Variants in TRAM2 observed in about 807,000 individuals in gnomAD.
The protein encoded by TRAM2 is translocation associated membrane protein 2, also known as translocating chain-associated membrane protein 2.
TRAM2 carries 12 observed loss-of-function variants against 51.0 expected under a neutral mutation model. The ratio of observed to expected loss-of-function variants is 0.24; its 90% confidence interval spans 0.15 to 0.38. TRAM2 has a LOEUF of 0.38. TRAM2 is among the 10% of genes least tolerant of loss of function. The probability of loss-of-function intolerance (pLI) is 1.00; values close to 1 mark genes in which losing one functional copy is unlikely to be tolerated. For missense variants in TRAM2, 361 were observed against 462.0 expected, an observed-to-expected ratio of 0.78 and a Z score of 2.00; for synonymous variants, 175 against 179.4, an observed-to-expected ratio of 0.98 and a Z score of 0.20.
chr6:52,511,305 A>G (rs539655312), intron 4 of TRAM2, among the ~76,000 whole-genome samples: 1 of 152,256 alleles, frequency 6.6e-6, no homozygotes, highest in Non-Finnish European at 1.5e-5. Context: ...GGGTTTCACT[A>G]TGTTGACCAG....
intron 2 of TRAM2, among the ~76,000 whole-genome samples, chr6:52,527,570 C>T (rs907182811): frequency 2.0e-5 from 3 of 152,042 alleles, no homozygotes; most frequent in African/African-American, 7.2e-5. Flanking sequence ...CATTTGGGGG[C>T]TCAGTGCAGC....
Position 52,501,557 on chromosome 6 carries a change from G to A in TRAM2, c.*1640C>T, listed in dbSNP as rs1766224343. 6.6e-6 allele frequency: 1 copy of A among 152,114 alleles called. No individual in the cohort carries two copies. The highest frequency in any genetic ancestry group is 2.4e-5 in the African/African-American group (1 of 41,408). 9.4% of individuals were successfully genotyped at this position (152,114 alleles called of 1,614,324 possible). The stretch of plus-strand genomic sequence containing the variant: ...TCGGAGGTTCTTAATTGGGACTTTT[G>A]TTTTTTTAGACAGAATTTCGCTCTT... On this transcript the variant is annotated 3_prime_UTR_variant, in exon 11 of 11. Transcript: ENST00000182527.
chr6:52,531,671 G>A (rs914057084), intron 2 of TRAM2, among the ~76,000 whole-genome samples: 1 of 152,138 alleles, frequency 6.6e-6, no homozygotes, highest in Non-Finnish European at 1.5e-5. Flanking sequence ...TGGTCCATGT[G>A]CCCGGAGTGC....
At chr6:52,545,313 C>A (rs1268955126) in intron 1 of TRAM2, among the ~76,000 whole-genome samples, 1 of 152,172 alleles carries the variant, frequency 6.6e-6, no homozygotes, top group Non-Finnish European at 1.5e-5. Flanking sequence ...GGCCTTGGAG[C>A]AAGGTCCAGG....
At chr6:52,571,368 G>A (rs1475402213) in intron 1 of TRAM2, among the ~76,000 whole-genome samples, 1 of 152,224 alleles carries the variant, frequency 6.6e-6, no homozygotes, top group East Asian at 1.9e-4. Context: ...CCAGAGTGAA[G>A]CTTTCACCAT....
At chr6:52,570,797 C>CAA (rs201203133) in intron 1 of TRAM2, among the ~76,000 whole-genome samples, 1 of 112,932 alleles carries the variant, frequency 8.9e-6, no homozygotes, top group East Asian at 4.7e-4. Context: ...TGCCCACCAC[C>CAA]CCCCCCCCCA....
chr6:52,576,280 C>T (rs538605481), intron 1 of TRAM2, among the ~76,000 whole-genome samples: 17 of 152,316 alleles, frequency 1.1e-4, no homozygotes, highest in African/African-American at 3.8e-4. Context: ...CGTGAACATC[C>T]GAGCACGTTC....
intron 2 of TRAM2, 77 bp from the exon 3 acceptor site, chr6:52,516,814 G>A: frequency 1.7e-6 from 2 of 1,143,528 alleles, no homozygotes; most frequent in Non-Finnish European, 2.6e-6. Context: ...AAATGAGATG[G>A]GAGGCGAAAT....
rs1436707308 is a variant in TRAM2 at position 52,577,000 on chromosome 6, GC to G, written c.-86del. ...AACTTCTCCAGCACCGGCCCGGTCCGCCCGCCGGCCCGCCGCCCGCTCTCCC... is the reference window on the plus strand; with the variant it reads ...AACTTCTCCAGCACCGGCCCGGTCCGCCGCCGGCCCGCCGCCCGCTCTCCC... On this transcript the variant is annotated 5_prime_UTR_variant, in exon 1 of 11. Coordinates refer to ENST00000182527, the MANE Select transcript of TRAM2 (RefSeq NM_012288.4). The G allele has an allele frequency of 7.7e-7, 1 of 1,306,590 alleles. No homozygotes were observed. Among genetic ancestry groups the G allele is most frequent in the African/African-American group, 1.6e-5 (1 of 63,640 alleles). The allele number at this position is 1,306,590 out of a possible 1,614,324, so 80.9% of individuals were successfully genotyped here.
intron 1 of TRAM2, among the ~76,000 whole-genome samples, chr6:52,573,757 A>C (rs1767718913): frequency 6.6e-6 from 1 of 152,172 alleles, no homozygotes; most frequent in South Asian, 2.1e-4. Flanking sequence ...GGGAAACAGA[A>C]GCCCCCTGAA....
chr6:52,550,460 A>G (rs898824334), intron 1 of TRAM2, among the ~76,000 whole-genome samples: 3 of 152,204 alleles, frequency 2.0e-5, no homozygotes, highest in South Asian at 2.1e-4. Flanking sequence ...ACTGATGGAG[A>G]TATGCTACTC....
intron 10 of TRAM2, 90 bp from the exon 11 acceptor site, chr6:52,503,360 C>T: frequency 8.4e-7 from 1 of 1,190,020 alleles, no homozygotes; most frequent in East Asian, 2.3e-5. Flanking sequence ...AGGAAGGGGC[C>T]CGGGCAGCCC....
At chr6:52,549,293 G>T (rs1767267280) in intron 1 of TRAM2, among the ~76,000 whole-genome samples, 1 of 115,148 alleles carries the variant, frequency 8.7e-6, no homozygotes. Context: ...CCTTCCAAAA[G>T]CTGCCCAAAA....
At chr6:52,544,877 C>G (rs1305621005) in intron 1 of TRAM2, among the ~76,000 whole-genome samples, 1 of 152,162 alleles carries the variant, frequency 6.6e-6, no homozygotes, top group Non-Finnish European at 1.5e-5. Context: ...AAGGCAGGGC[C>G]TCAGGTAAAC....
intron 7 of TRAM2, among the ~76,000 whole-genome samples, chr6:52,506,428 A>C (rs564066733): frequency 1.3e-5 from 2 of 152,258 alleles, no homozygotes; most frequent in Admixed American, 1.3e-4. Flanking sequence ...AGCACCTTGC[A>C]CTCATCACCT....
chr6:52,510,366 G>C (rs2114064421), intron 4 of TRAM2, among the ~76,000 whole-genome samples: 1 of 152,296 alleles, frequency 6.6e-6, no homozygotes, highest in Non-Finnish European at 1.5e-5. Flanking sequence ...TAAATGCAAA[G>C]AGCTGAGCTC....
At chr6:52,570,367 C>T (rs1208766810) in intron 1 of TRAM2, among the ~76,000 whole-genome samples, 1 of 152,216 alleles carries the variant, frequency 6.6e-6, no homozygotes, top group East Asian at 1.9e-4. Flanking sequence ...GACCTACAGA[C>T]ATTACTTCCA....
intron 2 of TRAM2, among the ~76,000 whole-genome samples, chr6:52,521,440 T>C (rs1224989276): frequency 6.6e-6 from 1 of 150,590 alleles, no homozygotes; most frequent in East Asian, 2.0e-4. Context: ...ACACCTGTAA[T>C]CCCAGCACTT....
At chr6:52,546,103 A>T (rs1021304866) in intron 1 of TRAM2, among the ~76,000 whole-genome samples, 1 of 152,178 alleles carries the variant, frequency 6.6e-6, no homozygotes, top group African/African-American at 2.4e-5. Context: ...AAACTTCACC[A>T]GCAACGTTCT....
Sources: gnomAD v4.1 joint callset for allele counts (sites outside exome capture counted in the v4.1 genomes callset) on GRCh38, gnomAD v4.1.1 for gene constraint, MANE v1.5 for transcripts, NCBI Gene and HGNC (gene_info 2026-07-23, HGNC 2026-07-21) for gene names.